KCNAB1: variants seen among roughly 807,000 people sequenced by gnomAD.
The protein encoded by KCNAB1 is voltage-gated potassium channel subunit beta-1.
Under a neutral mutation model 64.6 loss-of-function variants are expected in KCNAB1, and 35 were observed. The observed-to-expected ratio is 0.54, with a 90% CI of 0.41 to 0.72. The LOEUF (loss-of-function observed/expected upper bound fraction) is 0.72, where lower values mean the gene tolerates loss of function less well. KCNAB1 is among the 30% of genes least tolerant of loss of function. The pLI is 0.00. For missense variants in KCNAB1, 401 were observed against 512.9 expected (o/e 0.78, Z 2.11); for synonymous variants, 177 against 183.8 (o/e 0.96, Z 0.30).
chr3:156,335,374 A>G (rs1723620337), intron 1 of KCNAB1, among the ~76,000 whole-genome samples: 1 of 152,102 alleles, frequency 6.6e-6, no homozygotes, highest in Non-Finnish European at 1.5e-5. Flanking sequence ...TCCCTCTTTG[A>G]GTCACCACTT....
intron 8 of KCNAB1, among the ~76,000 whole-genome samples, chr3:156,482,685 G>T (rs534958832): frequency 3.9e-5 from 6 of 152,150 alleles, no homozygotes; most frequent in African/African-American, 1.2e-4. Flanking sequence ...AACTTCTCTT[G>T]TCCCTGGTTT....
intron 1 of KCNAB1, among the ~76,000 whole-genome samples, chr3:156,248,873 G>A (rs1345641748): frequency 1.3e-5 from 2 of 152,084 alleles, no homozygotes; most frequent in African/African-American, 2.4e-5. Flanking sequence ...TTACCTTCCA[G>A]GTGGCCGAGT....
intron 1 of KCNAB1, among the ~76,000 whole-genome samples, chr3:156,412,689 C>CAG (rs1205764912): frequency 2.0e-5 from 3 of 152,080 alleles, no homozygotes; most frequent in Non-Finnish European, 2.9e-5. Flanking sequence ...CAGAGATAAA[C>CAG]AGAGAGAGAG....
chr3:156,163,151 A>C (rs1716179278), intron 1 of KCNAB1, among the ~76,000 whole-genome samples: 1 of 152,200 alleles, frequency 6.6e-6, no homozygotes, highest in Non-Finnish European at 1.5e-5. Flanking sequence ...TTAAAAATTC[A>C]GTTTCGTCAG....
chr3:156,493,246 G>C (rs1715762193), intron 8 of KCNAB1, among the ~76,000 whole-genome samples: 1 of 152,084 alleles, frequency 6.6e-6, no homozygotes, highest in African/African-American at 2.4e-5. Context: ...TAAACAAGCT[G>C]TAGGGAGCCT....
In KCNAB1 at chr3:156,296,461, TCCCC is replaced by T. The variant is rs9331285; in HGVS notation, c.276-125146_276-125143del. Among the ~76,000 whole-genome samples, 425 of 111,764 alleles carry T rather than the reference TCCCC, an allele frequency of 3.8e-3. 2 individuals are homozygous for T. Among genetic ancestry groups the T allele is most frequent in the African/African-American group, 0.011 (373 of 32,734 alleles). 73.3% of individuals were successfully genotyped at this position (111,764 alleles called of 152,430 possible). A position where few individuals can be genotyped will look rare whatever the true frequency, so the allele number is the denominator to read the frequency against. On this transcript the variant is annotated intron_variant, in intron 1 of 13. Coordinates refer to ENST00000490337, the MANE Select transcript of KCNAB1 (RefSeq NM_172160.3). ...TTTAAATTCCACTAAAAACTTCAAC[TCCCC>T]CCCCCCCCACCTTTTTTTTTTTTTT...
chr3:156,516,868 C>T (rs1717597585), intron 11 of KCNAB1, among the ~76,000 whole-genome samples: 1 of 152,162 alleles, frequency 6.6e-6, no homozygotes, highest in African/African-American at 2.4e-5. Flanking sequence ...GGGAAGACTT[C>T]AGGAGACAGA....
intron 1 of KCNAB1, among the ~76,000 whole-genome samples, chr3:156,203,082 G>A (rs1489180570): frequency 1.3e-5 from 2 of 152,138 alleles, no homozygotes; most frequent in African/African-American, 2.4e-5. Context: ...TTCATCTTTT[G>A]TATGCACAGT....
chr3:156,485,151 C>T (rs960848695), intron 8 of KCNAB1, among the ~76,000 whole-genome samples: 2 of 152,184 alleles, frequency 1.3e-5, no homozygotes, highest in East Asian at 3.9e-4. Flanking sequence ...TTCAGCCAGA[C>T]ACCAAGAAAC....
chr3:156,339,303 T>A (rs1309798779), intron 1 of KCNAB1, among the ~76,000 whole-genome samples: 1 of 152,214 alleles, frequency 6.6e-6, no homozygotes, highest in African/African-American at 2.4e-5. Context: ...GAATAAAGTT[T>A]GCAGCAGTAA....
intron 4 of KCNAB1, among the ~76,000 whole-genome samples, chr3:156,458,228 G>C (rs938671407): frequency 6.6e-6 from 1 of 152,160 alleles, no homozygotes; most frequent in Admixed American, 6.5e-5. Flanking sequence ...CCTAAGACAG[G>C]GCTTGTTAAA....
At chr3:156,143,024 G>A (rs774656038) in intron 1 of KCNAB1, 68 of 1,336,724 alleles carry the variant, frequency 5.1e-5, no homozygotes, top group Non-Finnish European at 5.9e-5. Flanking sequence ...GAGCCTGCTC[G>A]CCTACAAAAA....
At chr3:156,300,173 C>G (rs1721056751) in intron 1 of KCNAB1, among the ~76,000 whole-genome samples, 1 of 152,148 alleles carries the variant, frequency 6.6e-6, no homozygotes, top group Admixed American at 6.5e-5. Flanking sequence ...TCAGATCTGG[C>G]CTGACTGTTC....
intron 1 of KCNAB1, among the ~76,000 whole-genome samples, chr3:156,275,606 C>T (rs1002233732): frequency 9.2e-5 from 14 of 152,172 alleles, no homozygotes; most frequent in South Asian, 2.1e-4. Context: ...ACCAAGCTTA[C>T]GGAATATTCT....
At chr3:156,182,600 A>G (rs189916002) in intron 1 of KCNAB1, among the ~76,000 whole-genome samples, 285 of 128,162 alleles carry the variant, frequency 2.2e-3, no homozygotes, top group African/African-American at 7.9e-3. Context: ...TTTATATTCT[A>G]CTCCTTCTTT....
At chr3:156,357,191 G>A (rs565493815) in intron 1 of KCNAB1, among the ~76,000 whole-genome samples, 1 of 143,508 alleles carries the variant, frequency 7.0e-6, no homozygotes, top group Non-Finnish European at 1.5e-5. Context: ...ACACACCCCT[G>A]TTCTGAAACT....
chr3:156,361,986 A>T (rs1470476901), intron 1 of KCNAB1, among the ~76,000 whole-genome samples: 1 of 152,226 alleles, frequency 6.6e-6, no homozygotes, highest in African/African-American at 2.4e-5. Context: ...TTATTCAACA[A>T]ATATTATTAA....
intron 1 of KCNAB1, among the ~76,000 whole-genome samples, chr3:156,125,091 T>C (rs1392469041): frequency 6.6e-6 from 1 of 151,700 alleles, no homozygotes; most frequent in African/African-American, 2.4e-5. Flanking sequence ...TGAGCCGAGA[T>C]TACTCCACTG....
At chr3:156,314,242 A>G (rs1256609419) in intron 1 of KCNAB1, among the ~76,000 whole-genome samples, 1 of 152,236 alleles carries the variant, frequency 6.6e-6, no homozygotes, top group Admixed American at 6.5e-5. Context: ...GCAAAAATGT[A>G]GTACATGTAT....
Sources: gnomAD v4.1 joint callset for allele counts (sites outside exome capture counted in the v4.1 genomes callset) on GRCh38, gnomAD v4.1.1 for gene constraint, MANE v1.5 for transcripts, NCBI Gene and HGNC (gene_info 2026-07-23, HGNC 2026-07-21) for gene names.